The following EPB41L2 variants were observed in gnomAD, a reference collection of about 807,000 sequenced individuals.
EPB41L2 encodes band 4.1-like protein 2.
EPB41L2 carries 43 observed loss-of-function variants against 113.0 expected under a neutral mutation model. The observed-to-expected ratio is 0.38, with a 90% CI of 0.30 to 0.49. EPB41L2 has a LOEUF of 0.49. Ranked by LOEUF, EPB41L2 falls within the 20% of genes least tolerant of loss-of-function variation. The pLI is 0.95. For missense variants in EPB41L2, 1,147 were observed against 1,223.4 expected (o/e 0.94, Z 0.93); for synonymous variants, 442 against 436.7 (o/e 1.01, Z -0.15).
At chr6:131,032,523 G>A (rs181584265) in intron 1 of EPB41L2, among the ~76,000 whole-genome samples, 2 of 152,226 alleles carry the variant, frequency 1.3e-5, no homozygotes, top group East Asian at 1.9e-4. Context: ...AGAACCAGTA[G>A]TGAGGCAGAG....
At chr6:131,060,081 A>G (rs1798362890) in intron 1 of EPB41L2, among the ~76,000 whole-genome samples, 1 of 152,218 alleles carries the variant, frequency 6.6e-6, no homozygotes, top group Admixed American at 6.5e-5. Context: ...GCTTTTAAAC[A>G]GGCTACTTCA....
At chr6:130,939,631 T>C (rs1015707726) in intron 3 of EPB41L2, among the ~76,000 whole-genome samples, 1 of 151,962 alleles carries the variant, frequency 6.6e-6, no homozygotes, top group Admixed American at 6.6e-5. Context: ...TAAACACACA[T>C]GCAAAATAAA....
chr6:130,907,707 CA>C (rs1457380514), intron 5 of EPB41L2, among the ~76,000 whole-genome samples: 1 of 151,564 alleles, frequency 6.6e-6, no homozygotes, highest in Non-Finnish European at 1.5e-5. Flanking sequence ...GGAAGACTAC[CA>C]AAAAGATAAA....
At chr6:131,024,001 G>A (rs900320396) in intron 1 of EPB41L2, among the ~76,000 whole-genome samples, 1 of 151,968 alleles carries the variant, frequency 6.6e-6, no homozygotes, top group African/African-American at 2.4e-5. Flanking sequence ...GGAAAAAAAA[G>A]GAGGAAAGTG....
At chr6:130,894,109 G>C (rs181332665) in intron 10 of EPB41L2, among the ~76,000 whole-genome samples, 1 of 152,140 alleles carries the variant, frequency 6.6e-6, no homozygotes, top group Non-Finnish European at 1.5e-5. Context: ...GTGGGTTAAT[G>C]CATCTGCCAC....
intron 4 of EPB41L2, among the ~76,000 whole-genome samples, chr6:130,923,150 G>A (rs1273636646): frequency 6.6e-6 from 1 of 151,998 alleles, no homozygotes; most frequent in African/African-American, 2.4e-5. Context: ...TCATCAGATT[G>A]AGTCAGCCTC....
At chr6:130,947,810 A>G (rs1348327508) in intron 3 of EPB41L2, among the ~76,000 whole-genome samples, 3 of 152,212 alleles carry the variant, frequency 2.0e-5, no homozygotes, top group Non-Finnish European at 4.4e-5. Context: ...CAACGGGAAA[A>G]TCAAAATAAG....
intron 3 of EPB41L2, among the ~76,000 whole-genome samples, chr6:130,949,292 T>C (rs1295206896): frequency 6.6e-6 from 1 of 151,898 alleles, no homozygotes; most frequent in African/African-American, 2.4e-5. Flanking sequence ...CTATAAAAAA[T>C]CCAGTGGTCA....
intron 1 of EPB41L2, among the ~76,000 whole-genome samples, chr6:131,023,272 T>C (rs1197349222): frequency 6.6e-6 from 1 of 152,232 alleles, no homozygotes; most frequent in South Asian, 2.1e-4. Flanking sequence ...TAAAGACTTC[T>C]TAGGATGTCA....
At chr6:130,869,449 T>C (rs964429326) in intron 15 of EPB41L2, 114 bp downstream of exon 15, 7 of 990,546 alleles carry the variant, frequency 7.1e-6, no homozygotes, top group East Asian at 5.2e-5. Context: ...GAGAGAAAAA[T>C]CAGATTCTTG....
At chr6:131,053,874 T>A (rs1334936249) in intron 1 of EPB41L2, among the ~76,000 whole-genome samples, 2 of 152,276 alleles carry the variant, frequency 1.3e-5, no homozygotes, top group Non-Finnish European at 2.9e-5. Context: ...AACTACAGGC[T>A]GTGCAGCCCT....
At chr6:130,878,992 A>G (rs912557895) in intron 13 of EPB41L2, among the ~76,000 whole-genome samples, 3 of 152,248 alleles carry the variant, frequency 2.0e-5, no homozygotes, top group African/African-American at 7.2e-5. Flanking sequence ...CAAATATACA[A>G]GAAAAACTAC....
At chr6:130,995,675 T>C (rs1782922168) in intron 1 of EPB41L2, among the ~76,000 whole-genome samples, 1 of 152,238 alleles carries the variant, frequency 6.6e-6, no homozygotes, top group African/African-American at 2.4e-5. Flanking sequence ...TAGTACATAG[T>C]ATATATCTGA....
intron 1 of EPB41L2, among the ~76,000 whole-genome samples, chr6:130,998,864 C>T (rs1374980786): frequency 6.6e-6 from 1 of 152,112 alleles, no homozygotes; most frequent in Admixed American, 6.5e-5. Context: ...GTACAGGAAA[C>T]CTCAGTGACT....
chr6:130,852,870 G>A (rs1779170438), intron 19 of EPB41L2, among the ~76,000 whole-genome samples: 1 of 152,104 alleles, frequency 6.6e-6, no homozygotes, highest in Non-Finnish European at 1.5e-5. Flanking sequence ...CAGGTTCAAT[G>A]CTTCCAATCC....
chr6:130,940,463 TC>T (rs1810425162), intron 3 of EPB41L2, among the ~76,000 whole-genome samples: 1 of 148,826 alleles, frequency 6.7e-6, no homozygotes, highest in South Asian at 2.1e-4. Flanking sequence ...CCTAAATATA[TC>T]TTTTTTTTTT....
chr6:130,860,041 A>G (rs964142408), intron 18 of EPB41L2, among the ~76,000 whole-genome samples: 3 of 152,116 alleles, frequency 2.0e-5, no homozygotes, highest in African/African-American at 7.2e-5. Flanking sequence ...CTGGAATGGG[A>G]ATAGGAAAGG....
At chr6:130,897,282 C>T (rs560265334) in intron 8 of EPB41L2, among the ~76,000 whole-genome samples, 106 of 152,134 alleles carry the variant, frequency 7.0e-4, no homozygotes, top group African/African-American at 2.5e-3. Context: ...CTTTAAACGA[C>T]ATGAAATATG....
chr6:130,900,748 T>C (rs1260595010), intron 7 of EPB41L2, among the ~76,000 whole-genome samples: 1 of 152,196 alleles, frequency 6.6e-6, no homozygotes, highest in Non-Finnish European at 1.5e-5. Flanking sequence ...CATGAAAACA[T>C]ACAGTCTTAC....
Sources: allele counts gnomAD v4.1 joint callset (sites outside exome capture counted in the v4.1 genomes callset), GRCh38; gene constraint gnomAD v4.1.1; transcripts MANE v1.5; gene names NCBI Gene and HGNC (gene_info 2026-07-23, HGNC 2026-07-21).